Variants in PLPPR2 observed in about 807,000 individuals in gnomAD.
PLPPR2 encodes the protein phospholipid phosphatase related 2.
PLPPR2 carries 11 observed loss-of-function variants against 40.3 expected under a neutral mutation model. The ratio of observed to expected loss-of-function variants is 0.27; its 90% confidence interval spans 0.17 to 0.45. The LOEUF is 0.45. Ranked by LOEUF, PLPPR2 falls within the 20% of genes least tolerant of loss-of-function variation. The pLI, the probability that PLPPR2 is intolerant of heterozygous loss-of-function variation, is 1.00. For missense variants in PLPPR2, 497 were observed against 640.7 expected (o/e 0.78, Z 2.42); for synonymous variants, 260 against 290.8 (o/e 0.89, Z 1.08).
rs768637727 is a variant in PLPPR2, at chr19:11,362,565, C to T, written c.716C>T (p.Ser239Leu). The T allele has an allele frequency of 8.7e-6, 14 of 1,612,512 alleles. No individual in the cohort carries two copies. Among genetic ancestry groups the T allele is most frequent in the South Asian group, 4.4e-5 (4 of 91,094 alleles). ...RVKGSRLVKP[S>L]LCLALLCPAF... ...AAGGGCTCCCGCCTGGTCAAACCCTCGCTCTGCCTGGCCTTGCTGTGCCCG... is the reference window on the plus strand; with the variant it reads ...AAGGGCTCCCGCCTGGTCAAACCCTTGCTCTGCCTGGCCTTGCTGTGCCCG... The change falls in exon 7 of 10, where the codon TCG becomes TTG. Residue 239 changes from serine to leucine, a missense_variant. Coordinates refer to ENST00000688289, the MANE Select transcript of PLPPR2 (RefSeq NM_001393892.1). The surrounding 1 kb of genome is among the most constrained non-coding windows in gnomAD (Gnocchi z 5.3).
In PLPPR2 at chr19:11,362,883, A is replaced by G. The variant is rs747413128; in HGVS notation, c.840+194A>G. Among the ~76,000 whole-genome samples, 6 of 152,226 alleles carry G rather than the reference A, an allele frequency of 3.9e-5. No homozygotes were observed. Among genetic ancestry groups the G allele is most frequent in the Admixed American group, 6.5e-5 (1 of 15,276 alleles). ...AGGGTGAGGCAAGGCCTTGAATGCA[A>G]ATTTTAAGAGGGTGCCCAACACTCA... On this transcript the variant is annotated intron_variant, in intron 7 of 9. Transcript: ENST00000688289. The surrounding 1 kb of genome is among the most constrained non-coding windows in gnomAD (Gnocchi z 5.3).
In PLPPR2 at chr19:11,361,387, C is replaced by G; in HGVS notation, c.562C>G (p.Gln188Glu). The G allele has an allele frequency of 6.2e-7, 1 of 1,611,004 alleles. No individual in the cohort carries two copies. The highest frequency in any genetic ancestry group is 2.2e-5 in the East Asian group (1 of 44,870). ...AGGTCCCGACCGCTTTGTCACTGAC[C>G]AGGGTGCCTGCGCTGGCAGTCCCAG... ...RPGPDRFVTD[Q>E]GACAGSPSLV... The change falls in exon 6 of 10, where the codon CAG becomes GAG. Residue 188 changes from glutamine to glutamate, a missense_variant. By Grantham distance (29) the Gln-to-Glu change is conservative (BLOSUM62 2). Coordinates refer to ENST00000688289, the MANE Select transcript of PLPPR2 (RefSeq NM_001393892.1). This position sits in a 1 kb window ranked among gnomAD's most constrained non-coding sequence, Gnocchi z 6.3.
intron 5 of PLPPR2, 117 bp downstream of exon 5, chr19:11,360,073 C>A: frequency 1.5e-6 from 2 of 1,373,052 alleles, no homozygotes; most frequent in Non-Finnish European, 9.6e-7. Flanking sequence ...TGGCTCACGC[C>A]TGTAATCTCA....
chr19:11,361,192 A>G lies in PLPPR2; in HGVS notation c.392-25A>G. 11 of 1,579,674 alleles carry G rather than the reference A, an allele frequency of 7.0e-6. No individual in the cohort carries two copies. The highest frequency in any genetic ancestry group is 9.4e-6 in the Non-Finnish European group (11 of 1,164,328). ...GGGAGCATCAGGGCCTGGCGCATGAACCCCTTCCACTATCCCACCCCTAGG... is the reference window on the plus strand; with the variant it reads ...GGGAGCATCAGGGCCTGGCGCATGAGCCCCTTCCACTATCCCACCCCTAGG... On this transcript the variant is annotated intron_variant, in intron 5 of 9. Coordinates refer to ENST00000688289, the MANE Select transcript of PLPPR2 (RefSeq NM_001393892.1). The surrounding 1 kb of genome is among the most constrained non-coding windows in gnomAD (Gnocchi z 6.3).
chr19:11,362,670 C>T lies in PLPPR2; in HGVS notation c.821C>T (p.Ala274Val), dbSNP rs755263429. The T allele has an allele frequency of 2.5e-6, 4 of 1,612,600 alleles. No homozygotes were observed. The highest frequency in any genetic ancestry group is 2.5e-6 in the Non-Finnish European group (3 of 1,179,030). The stretch of plus-strand genomic sequence containing the variant: ...GTGCTGGCTGGCTTCCTGACAGGGG[C>T]GGCCATCGCCACCTTTTTGGTGAGT... ...SDVLAGFLTG[A>V]AIATFLVTCV... Residue 274 changes from alanine (A) to valine (V), a missense_variant, in exon 7 of 10, where the codon GCG becomes GTG. Physicochemically the swap from Ala to Val is moderately conservative, Grantham distance 64. Transcript: ENST00000688289. The surrounding 1 kb of genome is among the most constrained non-coding windows in gnomAD (Gnocchi z 5.3).
chr19:11,358,777 C>G (rs546172402), intron 3 of PLPPR2, among the ~76,000 whole-genome samples: 1 of 151,702 alleles, frequency 6.6e-6, no homozygotes, highest in Non-Finnish European at 1.5e-5. Context: ...TGCAGTGGCA[C>G]GATCTTGGCT....
chr19:11,355,937 C>G (rs1568318093), intron 1 of PLPPR2, among the ~76,000 whole-genome samples: 1 of 151,218 alleles, frequency 6.6e-6, no homozygotes, highest in Non-Finnish European at 1.5e-5. Context: ...GGGTGTCACT[C>G]TGATGGTTTG....
At position 11,361,345 on chromosome 19, in the gene PLPPR2, C is replaced by G; in HGVS notation, c.520C>G (p.Pro174Ala). The change falls in exon 6 of 10, where the codon CCT becomes GCT. Residue 174 changes from proline (P) to alanine (A), a missense_variant. Coordinates refer to ENST00000688289, the MANE Select transcript of PLPPR2 (RefSeq NM_001393892.1). This position sits in a 1 kb window ranked among gnomAD's most constrained non-coding sequence, Gnocchi z 6.3. ...PNYTALGCLPPSPDRPGPDRF... is the reference protein window; with the variant it reads ...PNYTALGCLPASPDRPGPDRF... ...CTACACGGCCCTGGGCTGCCTGCCACCTTCTCCGGATCGGCCAGGTCCCGA... is the reference window on the plus strand; with the variant it reads ...CTACACGGCCCTGGGCTGCCTGCCAGCTTCTCCGGATCGGCCAGGTCCCGA... 6.2e-7 allele frequency: 1 copy of G among 1,613,502 alleles called. No individual in the cohort carries two copies. The highest frequency in any genetic ancestry group is 8.5e-7 in the Non-Finnish European group (1 of 1,179,966).
chr19:11,358,655 T>C (rs77305489), intron 3 of PLPPR2, among the ~76,000 whole-genome samples: 2,499 of 148,978 alleles, frequency 0.017, 71 homozygotes, highest in African/African-American at 0.059. Context: ...TTCCTGGCTT[T>C]CCTCTCTCTC....
Position 11,362,336 on chromosome 19 carries a change from T to G in PLPPR2, c.664-177T>G, listed in dbSNP as rs1968071192. ...AATCCCTGACCCCCCCCCCTTTGCC[T>G]TTTTGGTCACGCTCCCTGGAAAAGC... On this transcript the variant is annotated intron_variant, in intron 6 of 9. Coordinates refer to ENST00000688289, the MANE Select transcript of PLPPR2 (RefSeq NM_001393892.1). This position sits in a 1 kb window ranked among gnomAD's most constrained non-coding sequence, Gnocchi z 5.3. 12 of 384,774 alleles carry G rather than the reference T, an allele frequency of 3.1e-5. No homozygotes were observed. Among genetic ancestry groups the G allele is most frequent in the East Asian group, 5.5e-5 (1 of 18,138 alleles). The allele number at this position is 384,774 out of a possible 1,614,324, so 23.8% of individuals were successfully genotyped here.
Position 11,361,568 on chromosome 19 carries a change from G to C in PLPPR2, c.663+80G>C, listed in dbSNP as rs1353352090. 13 of 1,520,662 alleles carry C rather than the reference G, an allele frequency of 8.5e-6. No homozygotes were observed. The Admixed American group carries it at 1.4e-4, about 16-fold the overall frequency. The allele number at this position is 1,520,662 out of a possible 1,614,324, so 94.2% of individuals were successfully genotyped here. A position where few individuals can be genotyped will look rare whatever the true frequency, so the allele number is the denominator to read the frequency against. On this transcript the variant is annotated intron_variant, in intron 6 of 9. Transcript: ENST00000688289. The surrounding 1 kb of genome is among the most constrained non-coding windows in gnomAD (Gnocchi z 6.3). ...AGCAGCTAGGAAGCCGCCAGGGTTG[G>C]AGCCTCTGCTCTTCCACGCCCCGGG...
chr19:11,362,653 T>A lies in PLPPR2; in HGVS notation c.804T>A (p.Ala268=), dbSNP rs372166858. 36 of 1,613,574 alleles carry A rather than the reference T, an allele frequency of 2.2e-5. No homozygotes were observed. The South Asian group carries it at 3.7e-4, about 17-fold the overall frequency. Residue 268 remains alanine (A), a synonymous_variant, in exon 7 of 10, where the codon GCT becomes GCA. Transcript: ENST00000688289. This position sits in a 1 kb window ranked among gnomAD's most constrained non-coding sequence, Gnocchi z 5.3. The stretch of plus-strand genomic sequence containing the variant: ...GAAACCACTGGTCGGACGTGCTGGC[T>A]GGCTTCCTGACAGGGGCGGCCATCG... The part of the protein sequence containing the change: ...EYRNHWSDVL[A]GFLTGAAIAT...
In PLPPR2 at chr19:11,361,279, G is replaced by A. The variant is rs1968034063; in HGVS notation, c.454G>A (p.Gly152Ser). ...IFANAGQVVTGNPTPHFLSVC... is the reference protein window; with the variant it reads ...IFANAGQVVTSNPTPHFLSVC... The stretch of plus-strand genomic sequence containing the variant: ...CGCCAACGCGGGGCAGGTGGTGACC[G>A]GCAATCCCACGCCACACTTCCTGTC... Residue 152 changes from glycine (G) to serine (S), a missense_variant, in exon 6 of 10, where the codon GGC becomes AGC. Gly to Ser is a moderately conservative substitution (Grantham distance 56, BLOSUM62 0). Coordinates refer to ENST00000688289, the MANE Select transcript of PLPPR2 (RefSeq NM_001393892.1). This position sits in a 1 kb window ranked among gnomAD's most constrained non-coding sequence, Gnocchi z 6.3. 1 of 1,613,534 alleles carries A rather than the reference G, an allele frequency of 6.2e-7. No homozygotes were observed. The highest frequency in any genetic ancestry group is 8.5e-7 in the Non-Finnish European group (1 of 1,179,944).
chr19:11,363,763 GCT>G lies in PLPPR2; in HGVS notation c.897_898del (p.Pro300LeufsTer12). Reference sequence around the variant, plus strand: ...AGAGCCGGCCACCCTCTGGCCGAAGGCTCTCTCCCTGGGAGGACCTGGGCCAA... The same window carrying G: ...AGAGCCGGCCACCCTCTGGCCGAAGGCTCTCCCTGGGAGGACCTGGGCCAA... ...FQSRPPSGRR[L>X]SPWEDLGQAP... On this transcript the variant is annotated frameshift_variant, in exon 8 of 10. Coordinates refer to ENST00000688289, the MANE Select transcript of PLPPR2 (RefSeq NM_001393892.1). LOFTEE classifies it high-confidence loss of function. The surrounding 1 kb of genome is among the most constrained non-coding windows in gnomAD (Gnocchi z 4.8). The G allele has an allele frequency of 6.2e-7, 1 of 1,614,166 alleles. No homozygotes were observed.
In PLPPR2 at chr19:11,359,690, C is replaced by T. The variant is rs779235701; in HGVS notation, c.225C>T (p.Tyr75=). ...GCCGAGTGCCTCCTGCTCTTGTCTA[C>T]GCACTGGTCACTGCCGGGCCCACCC... ...AASRVPPALV[Y]ALVTAGPTLT... is the part of the protein sequence containing the mutation. Residue 75 remains tyrosine (Y), a synonymous_variant, in exon 4 of 10, where the codon TAC becomes TAT. Coordinates refer to ENST00000688289, the MANE Select transcript of PLPPR2 (RefSeq NM_001393892.1). This position sits in a 1 kb window ranked among gnomAD's most constrained non-coding sequence, Gnocchi z 5.6. 1.8e-5 allele frequency: 29 copies of T among 1,605,672 alleles called. No individual in the cohort carries two copies. Among genetic ancestry groups the T allele is most frequent in the Middle Eastern group, 1.7e-4 (1 of 6,034 alleles).
rs1359915434 is a variant in PLPPR2 at position 11,364,241 on chromosome 19, CAG to C, written c.1015+30_1015+31del. 1.3e-5 allele frequency: 20 copies of C among 1,596,702 alleles called. No individual in the cohort carries two copies. Among genetic ancestry groups the C allele is most frequent in the East Asian group, 2.2e-5 (1 of 44,490 alleles). On this transcript the variant is annotated intron_variant, in intron 9 of 9. Transcript: ENST00000688289. The surrounding 1 kb of genome is among the most constrained non-coding windows in gnomAD (Gnocchi z 5.8). ...AGTGTTGGGGGAGTGGGGGGCTAAACAGGGGGACTTCCAGGTGGGCAGCCACT... is the reference window on the plus strand; with the variant it reads ...AGTGTTGGGGGAGTGGGGGGCTAAACGGGGACTTCCAGGTGGGCAGCCACT...
chr19:11,364,748 G>C lies in PLPPR2; in HGVS notation c.*58G>C. On this transcript the variant is annotated 3_prime_UTR_variant, in exon 10 of 10. Coordinates refer to ENST00000688289, the MANE Select transcript of PLPPR2 (RefSeq NM_001393892.1). This position sits in a 1 kb window ranked among gnomAD's most constrained non-coding sequence, Gnocchi z 5.8. ...CCCACTTCTTCCCTGCCACGCGTGT[G>C]TGTGCGTGTGCCACGTGAGTGCCAA... is the stretch of plus-strand genomic sequence containing the variant. 6.6e-7 allele frequency: 1 copy of C among 1,526,338 alleles called. No individual in the cohort carries two copies. The highest frequency in any genetic ancestry group is 8.8e-7 in the Non-Finnish European group (1 of 1,138,984). 94.5% of individuals were successfully genotyped at this position (1,526,338 alleles called of 1,614,324 possible).
chr19:11,364,994 G>T lies in PLPPR2; in HGVS notation c.*304G>T, dbSNP rs1454350184. On this transcript the variant is annotated 3_prime_UTR_variant, in exon 10 of 10. Transcript: ENST00000688289. This position sits in a 1 kb window ranked among gnomAD's most constrained non-coding sequence, Gnocchi z 5.8. ...TGGTTCTCAGAATTTTAACCAAAAG[G>T]AGTTGGCTCCAACCAATGGGAGCCT... 2.3e-6 allele frequency: 1 copy of T among 433,634 alleles called. No homozygotes were observed. The highest frequency in any genetic ancestry group is 4.1e-6 in the Non-Finnish European group (1 of 243,648). The allele number at this position is 433,634 out of a possible 1,614,324, so 26.9% of individuals were successfully genotyped here.
intron 1 of PLPPR2, among the ~76,000 whole-genome samples, chr19:11,355,991 T>G (rs975667618): frequency 2.0e-5 from 3 of 151,570 alleles, no homozygotes; most frequent in African/African-American, 7.3e-5. Flanking sequence ...TGGCCCCCCG[T>G]GTGGCTGCTG....
Sources: allele counts gnomAD v4.1 joint callset (sites outside exome capture counted in the v4.1 genomes callset), GRCh38; gene constraint gnomAD v4.1.1; non-coding constraint Gnocchi (gnomAD v3.1); transcripts MANE v1.5; gene names NCBI Gene and HGNC (gene_info 2026-07-23, HGNC 2026-07-21).